The following CNTNAP2 variants were observed in gnomAD, a reference collection of about 807,000 sequenced individuals.
The protein encoded by CNTNAP2 is contactin-associated protein-like 2.
In CNTNAP2, 98 loss-of-function variants were observed where a neutral mutation model predicts 155.2. The observed-to-expected ratio is 0.63, with a 90% CI of 0.54 to 0.75. The LOEUF (loss-of-function observed/expected upper bound fraction) is 0.75, where lower values mean the gene tolerates loss of function less well. Ranked by LOEUF, CNTNAP2 falls within the 30% of genes least tolerant of loss-of-function variation. The pLI is 0.00. For missense variants in CNTNAP2, 1,727 were observed against 1,688.1 expected (o/e 1.02, Z -0.40); for synonymous variants, 651 against 631.2 (o/e 1.03, Z -0.47).
At chr7:146,594,349 A>G (rs969842030) in intron 1 of CNTNAP2, among the ~76,000 whole-genome samples, 1 of 151,796 alleles carries the variant, frequency 6.6e-6, no homozygotes, top group African/African-American at 2.4e-5. Context: ...CTTGGTAATC[A>G]TTATCTCTTC....
Position 147,931,879 on chromosome 7 carries a change from T to TTTTA in CNTNAP2, c.2255+28178_2255+28181dup, listed in dbSNP as rs572242805. Among the ~76,000 whole-genome samples the TTTTA allele has an allele frequency of 1.5e-3, 223 of 152,114 alleles. 1 individual carries two copies. Among genetic ancestry groups the TTTTA allele is most frequent in the Non-Finnish European group, 2.3e-3 (159 of 67,998 alleles). ...ATAACATTCTTTTTTCTTTATTTTA[T>TTTTA]TTTATTTATTTATTTATTTATTTTG... On this transcript the variant is annotated intron_variant, in intron 14 of 23. Coordinates refer to ENST00000361727, the MANE Select transcript of CNTNAP2 (RefSeq NM_014141.6).
chr7:148,120,238 G>A (rs1041883141), intron 16 of CNTNAP2, among the ~76,000 whole-genome samples: 12 of 147,750 alleles, frequency 8.1e-5, no homozygotes, highest in Non-Finnish European at 1.3e-4. Context: ...CTCAGCCCTC[G>A]GGGTCAAAGA....
intron 1 of CNTNAP2, among the ~76,000 whole-genome samples, chr7:146,382,554 A>C: frequency 6.6e-6 from 1 of 152,346 alleles, no homozygotes. Context: ...TACTTTATAA[A>C]GTACATATAA....
intron 2 of CNTNAP2, among the ~76,000 whole-genome samples, chr7:146,821,094 C>T (rs969713025): frequency 5.3e-5 from 8 of 152,236 alleles, no homozygotes; most frequent in Non-Finnish European, 1.2e-4. Flanking sequence ...ATACAGCACA[C>T]TGATGGGTCT....
intron 15 of CNTNAP2, among the ~76,000 whole-genome samples, chr7:148,106,330 G>A (rs894211056): frequency 1.3e-5 from 2 of 151,756 alleles, no homozygotes; most frequent in African/African-American, 2.4e-5. Flanking sequence ...TTTGGGAATC[G>A]TTAACATATG....
At chr7:148,172,960 A>G (rs922056870) in intron 18 of CNTNAP2, among the ~76,000 whole-genome samples, 1 of 152,208 alleles carries the variant, frequency 6.6e-6, no homozygotes, top group African/African-American at 2.4e-5. Flanking sequence ...TCCTCTGGTC[A>G]GTCATTAACA....
intron 12 of CNTNAP2, among the ~76,000 whole-genome samples, chr7:147,625,200 T>C (rs73470917): frequency 0.031 from 4,682 of 152,172 alleles, 239 homozygotes; most frequent in African/African-American, 0.11. Flanking sequence ...CACATCAGGG[T>C]TACCATAGTC....
chr7:147,370,344 G>A (rs186537005), intron 9 of CNTNAP2, among the ~76,000 whole-genome samples: 3 of 152,118 alleles, frequency 2.0e-5, no homozygotes, highest in Admixed American at 6.6e-5. Flanking sequence ...CACACCACAC[G>A]TCCTTGGGGC....
At chr7:148,336,475 A>G (rs1798116557) in intron 21 of CNTNAP2, among the ~76,000 whole-genome samples, 1 of 151,716 alleles carries the variant, frequency 6.6e-6, no homozygotes, top group Non-Finnish European at 1.5e-5. Context: ...TTTTAAAAAG[A>G]GATTTCCAGT....
rs751589771 is a variant in CNTNAP2 at position 147,132,299 on chromosome 7, G to A, written c.1138G>A (p.Ala380Thr). The A allele has an allele frequency of 2.0e-5, 33 of 1,613,492 alleles. No individual in the cohort carries two copies. The highest frequency in any genetic ancestry group is 4.4e-5 in the South Asian group (4 of 91,072). Residue 380 changes from alanine (A) to threonine (T), a missense_variant, in exon 8 of 24, where the codon GCT becomes ACT. Transcript: ENST00000361727. ...CTATACGGTGCCTGTCTTTTTCAAC[G>A]CTACAAGTTACCTGGAGGTGCCCGG... ...EPYTVPVFFNATSYLEVPGRL... is the reference protein window; with the variant it reads ...EPYTVPVFFNTTSYLEVPGRL...
intron 11 of CNTNAP2, among the ~76,000 whole-genome samples, chr7:147,542,034 T>G (rs146789038): frequency 0.01 from 1,593 of 152,300 alleles, 33 homozygotes; most frequent in African/African-American, 0.035. Context: ...TTTGAAATTC[T>G]AAGGGTGAGA....
chr7:147,987,864 T>G (rs897055439), intron 15 of CNTNAP2, among the ~76,000 whole-genome samples: 1 of 151,986 alleles, frequency 6.6e-6, no homozygotes, highest in African/African-American at 2.4e-5. Context: ...CCCGCTAATT[T>G]TTTTATTTTT....
At chr7:147,786,149 C>T (rs115287457) in intron 13 of CNTNAP2, among the ~76,000 whole-genome samples, 3,149 of 151,224 alleles carry the variant, frequency 0.021, 93 homozygotes, top group African/African-American at 0.073. Flanking sequence ...AATTAGCTGG[C>T]GCATGCCCAG....
rs1180036875 is a variant in CNTNAP2 at position 146,116,891 on chromosome 7, G to C, written c.15G>C (p.Pro5=). MQAA[P]RAGCGAALLL... The stretch of plus-strand genomic sequence containing the variant: ...GGAGGCGAAGGATGCAGGCGGCTCC[G>C]CGCGCCGGCTGCGGGGCAGCGCTCC... Residue 5 remains proline (P), a synonymous_variant, in exon 1 of 24, where the codon CCG becomes CCC. Transcript: ENST00000361727. The surrounding 1 kb of genome is among the most constrained non-coding windows in gnomAD (Gnocchi z 5.5). The C allele has an allele frequency of 6.5e-7, 1 of 1,545,946 alleles. No homozygotes were observed. The highest frequency in any genetic ancestry group is 1.4e-5 in the African/African-American group (1 of 72,972).
intron 1 of CNTNAP2, among the ~76,000 whole-genome samples, chr7:146,188,342 G>C (rs561502762): frequency 4.6e-5 from 7 of 152,168 alleles, no homozygotes; most frequent in Non-Finnish European, 8.8e-5. Flanking sequence ...AGAACTCAAA[G>C]TATATTAAGG....
At chr7:146,506,297 CTTG>C (rs745575129) in intron 1 of CNTNAP2, among the ~76,000 whole-genome samples, 1 of 152,212 alleles carries the variant, frequency 6.6e-6, no homozygotes, top group Non-Finnish European at 1.5e-5. Flanking sequence ...CCTACTGTCA[CTTG>C]TTGTGTAACA....
At chr7:147,994,823 C>G (rs1173989867) in intron 15 of CNTNAP2, among the ~76,000 whole-genome samples, 1 of 152,146 alleles carries the variant, frequency 6.6e-6, no homozygotes, top group Non-Finnish European at 1.5e-5. Context: ...CTTAAAACTT[C>G]TGGACACCAG....
intron 20 of CNTNAP2, chr7:148,263,340 G>GT: frequency 6.6e-6 from 1 of 152,234 alleles, no homozygotes; most frequent in Admixed American, 6.5e-5. Flanking sequence ...TGTTCATTAT[G>GT]TTTTTTAGAA....
At chr7:147,611,970 A>G (rs1801195817) in intron 12 of CNTNAP2, among the ~76,000 whole-genome samples, 2 of 152,238 alleles carry the variant, frequency 1.3e-5, no homozygotes, top group South Asian at 2.1e-4. Context: ...CAGGGAGATC[A>G]TAATTATTGA....
Sources: gnomAD v4.1 joint callset for allele counts (sites outside exome capture counted in the v4.1 genomes callset) on GRCh38, gnomAD v4.1.1 for gene constraint, Gnocchi (gnomAD v3.1) non-coding constraint, MANE v1.5 for transcripts, NCBI Gene and HGNC (gene_info 2026-07-23, HGNC 2026-07-21) for gene names.